ZDHHC21: variants seen among roughly 807,000 people sequenced by gnomAD.
ZDHHC21 encodes the protein zDHHC palmitoyltransferase 21, also known as palmitoyltransferase ZDHHC21.
In ZDHHC21, 15 loss-of-function variants were observed where a neutral mutation model predicts 34.6. That is an observed-to-expected ratio of 0.43 (90% CI 0.29 to 0.67). ZDHHC21 has a LOEUF of 0.67. Ranked by LOEUF, ZDHHC21 falls within the 30% of genes least tolerant of loss-of-function variation. The probability of loss-of-function intolerance (pLI) is 0.14; values close to 1 mark genes in which losing one functional copy is unlikely to be tolerated. For synonymous variants in ZDHHC21, 142 were observed against 101.8 expected (o/e 1.40, Z -2.38); for missense variants, 344 against 327.7 (o/e 1.05, Z -0.38).
At chr9:14,644,837 CATAT>C (rs141594416) in intron 7 of ZDHHC21, among the ~76,000 whole-genome samples, 2 of 150,242 alleles carry the variant, frequency 1.3e-5, no homozygotes, top group Non-Finnish European at 3.0e-5. Context: ...CACACACACA[CATAT>C]ATATATATAT....
chr9:14,637,167 C>G (rs1828455062), intron 8 of ZDHHC21, among the ~76,000 whole-genome samples: 1 of 151,694 alleles, frequency 6.6e-6, no homozygotes, highest in Admixed American at 6.6e-5. Context: ...CAAGACTAAC[C>G]AAGAAGAGAC....
rs560234663 is a variant in ZDHHC21 at position 14,664,698 on chromosome 9, C to A, written c.254-2372G>T. On this transcript the variant is annotated intron_variant, in intron 5 of 9. Transcript: ENST00000380916. ...GCCTCCTCAAGTGGGTCCCTGACCCCCAAGCAGCCTAACTGGGAGGCACCC... is the reference window on the plus strand; with the variant it reads ...GCCTCCTCAAGTGGGTCCCTGACCCACAAGCAGCCTAACTGGGAGGCACCC... Among the ~76,000 whole-genome samples the A allele has an allele frequency of 9.2e-5, 14 of 151,950 alleles. No individual in the cohort carries two copies. The East Asian group carries it at 2.5e-3, about 28-fold the overall frequency.
intron 7 of ZDHHC21, among the ~76,000 whole-genome samples, chr9:14,651,671 C>T (rs1334325271): frequency 6.6e-6 from 1 of 151,908 alleles, no homozygotes; most frequent in Non-Finnish European, 1.5e-5. Flanking sequence ...AGAAGGTATA[C>T]TCTTTAAATA....
chr9:14,601,964 C>T, the ZDHHC21 span, among the ~76,000 whole-genome samples: 9,612 of 151,748 alleles, frequency 0.063, 363 homozygotes, highest in Admixed American at 0.12. Context: ...TATGGACACA[C>T]GGAGGGGAAC....
intron 7 of ZDHHC21, 59 bp from the exon 8 acceptor site, chr9:14,640,071 G>A (rs1020461869): frequency 1.3e-4 from 118 of 879,446 alleles, no homozygotes; most frequent in African/African-American, 1.0e-3. Context: ...GCTTACAGTC[G>A]CAATAATAAT....
intron 2 of ZDHHC21, among the ~76,000 whole-genome samples, chr9:14,681,658 CTGTT>C (rs1003086169): frequency 4.6e-5 from 7 of 151,942 alleles, no homozygotes; most frequent in South Asian, 2.1e-4. Context: ...GGTAGGTTGA[CTGTT>C]AACCCCGTGA....
chr9:14,609,467 C>A (rs1823131128), downstream of ZDHHC21, among the ~76,000 whole-genome samples: 1 of 152,072 alleles, frequency 6.6e-6, no homozygotes, highest in Non-Finnish European at 1.5e-5. Flanking sequence ...TCAAGGACAA[C>A]TACTGACAGT....
chr9:14,625,259 C>T (rs1490404731), intron 8 of ZDHHC21, among the ~76,000 whole-genome samples: 1 of 152,024 alleles, frequency 6.6e-6, no homozygotes, highest in Non-Finnish European at 1.5e-5. Context: ...TTAATCTTAG[C>T]TCTGTCTTCC....
rs1186651248 is a variant in ZDHHC21 at position 14,611,150 on chromosome 9, C to A, written c.*7816G>T. 6.6e-6 allele frequency: 1 copy of A among 151,462 alleles called. No homozygotes were observed. Among genetic ancestry groups the A allele is most frequent in the Non-Finnish European group, 1.5e-5 (1 of 67,758 alleles). 9.4% of individuals were successfully genotyped at this position (151,462 alleles called of 1,614,324 possible). The stretch of plus-strand genomic sequence containing the variant: ...AATACATTTTGAGAAGTAAAAATTC[C>A]ACAATTTAAATTAAAAACAATCTGC... On this transcript the variant is annotated 3_prime_UTR_variant, in exon 10 of 10. Coordinates refer to ENST00000380916, the MANE Select transcript of ZDHHC21 (RefSeq NM_178566.6).
chr9:14,693,030 G>A (rs577598202), intron 1 of ZDHHC21, among the ~76,000 whole-genome samples, 199 bp downstream of exon 1: 1 of 151,874 alleles, frequency 6.6e-6, no homozygotes, highest in Non-Finnish European at 1.5e-5. Context: ...GCCAGGCCTG[G>A]GGCGGGGAGG....
chr9:14,639,826 C>T (rs1329779077), intron 8 of ZDHHC21, 70 bp downstream of exon 8: 2 of 912,254 alleles, frequency 2.2e-6, no homozygotes, highest in East Asian at 2.9e-5. Context: ...CTTCCTATAA[C>T]TTTTGAGAAT....
At chr9:14,687,666 G>A (rs1838542529) in intron 2 of ZDHHC21, among the ~76,000 whole-genome samples, 1 of 150,762 alleles carries the variant, frequency 6.6e-6, no homozygotes, top group Non-Finnish European at 1.5e-5. Context: ...GGGTGCCAGA[G>A]TAAGGCCCTG....
chr9:14,630,313 T>C lies in ZDHHC21; in HGVS notation c.621+9583A>G, dbSNP rs555909930. 5.3e-5 allele frequency among the ~76,000 whole-genome samples: 8 copies of C among 152,340 alleles called. No individual in the cohort carries two copies. The South Asian group carries it at 1.7e-3, about 32-fold the overall frequency. Reference sequence around the variant, plus strand: ...AAACTCCATCTCAAAACACCACTTTTTGGGCTCATCCATAAGAAGCAAATT... The same window carrying C: ...AAACTCCATCTCAAAACACCACTTTCTGGGCTCATCCATAAGAAGCAAATT... On this transcript the variant is annotated intron_variant, in intron 8 of 9. Coordinates refer to ENST00000380916, the MANE Select transcript of ZDHHC21 (RefSeq NM_178566.6).
intron 8 of ZDHHC21, among the ~76,000 whole-genome samples, chr9:14,639,042 G>A (rs1057216833): frequency 1.3e-5 from 2 of 152,082 alleles, no homozygotes; most frequent in South Asian, 2.1e-4. Context: ...GTATATCAAA[G>A]GGATGCCTGC....
At chr9:14,654,941 T>A (rs1831919499) in intron 7 of ZDHHC21, among the ~76,000 whole-genome samples, 1 of 151,846 alleles carries the variant, frequency 6.6e-6, no homozygotes, top group South Asian at 2.1e-4. Context: ...GAGGTAATAT[T>A]TGAAGTGACA....
At chr9:14,648,533 C>G (rs1392206751) in intron 7 of ZDHHC21, among the ~76,000 whole-genome samples, 1 of 152,116 alleles carries the variant, frequency 6.6e-6, no homozygotes, top group Non-Finnish European at 1.5e-5. Flanking sequence ...ACAACAGTGA[C>G]TTGCTTGAGT....
At chr9:14,652,086 C>T (rs1404754850) in intron 7 of ZDHHC21, among the ~76,000 whole-genome samples, 1 of 151,898 alleles carries the variant, frequency 6.6e-6, no homozygotes, top group Non-Finnish European at 1.5e-5. Context: ...CTCCAAACAT[C>T]TCAAAGTTTA....
At chr9:14,650,702 T>C (rs374515965) in intron 7 of ZDHHC21, among the ~76,000 whole-genome samples, 109 of 152,132 alleles carry the variant, frequency 7.2e-4, no homozygotes, top group African/African-American at 2.6e-3. Context: ...AATAATTCTG[T>C]AGGAACAGTT....
At chr9:14,654,954 G>C (rs139851180) in intron 7 of ZDHHC21, among the ~76,000 whole-genome samples, 144 of 151,962 alleles carry the variant, frequency 9.5e-4, no homozygotes, top group African/African-American at 3.2e-3. Context: ...AAGTGACAAA[G>C]GCCAAGAAAT....
Sources: allele counts gnomAD v4.1 joint callset (sites outside exome capture counted in the v4.1 genomes callset), GRCh38; gene constraint gnomAD v4.1.1; transcripts MANE v1.5; gene names NCBI Gene and HGNC (gene_info 2026-07-23, HGNC 2026-07-21).